TNIP2: variants seen among roughly 807,000 people sequenced by gnomAD.
TNIP2 encodes TNFAIP3-interacting protein 2.
TNIP2 carries 30 observed loss-of-function variants against 43.7 expected under a neutral mutation model. The observed-to-expected ratio is 0.69, with a 90% CI of 0.51 to 0.93. The LOEUF (loss-of-function observed/expected upper bound fraction) is 0.93. TNIP2 is among the 40% of genes least tolerant of loss of function. The pLI is 0.00. For missense variants in TNIP2, 599 were observed against 591.0 expected, an observed-to-expected ratio of 1.01 and a Z score of -0.14; for synonymous variants, 260 against 254.6, an observed-to-expected ratio of 1.02 and a Z score of -0.20.
intron 1 of TNIP2, among the ~76,000 whole-genome samples, chr4:2,748,443 C>T (rs367638154): frequency 8.5e-5 from 13 of 152,288 alleles, no homozygotes; most frequent in East Asian, 1.9e-4. Flanking sequence ...CAGAGGTTCA[C>T]ACCATTCTCC....
At chr4:2,745,065 G>A in intron 3 of TNIP2, 120 bp from the exon 4 acceptor site, 1 of 1,316,774 alleles carries the variant, frequency 7.6e-7, no homozygotes, top group Non-Finnish European at 1.0e-6. Flanking sequence ...CTCTTAAATG[G>A]AAGCTGCCCC....
chr4:2,754,659 G>A (rs370183135), intron 1 of TNIP2, among the ~76,000 whole-genome samples: 1 of 152,304 alleles, frequency 6.6e-6, no homozygotes, highest in Non-Finnish European at 1.5e-5. Context: ...CTCGTGATCC[G>A]CCGCCTTGGC....
chr4:2,755,143 A>T (rs1195014070), intron 1 of TNIP2, among the ~76,000 whole-genome samples: 1 of 151,952 alleles, frequency 6.6e-6, no homozygotes. Flanking sequence ...TCTAGAACAC[A>T]ATATGAGTAC....
intron 5 of TNIP2, among the ~76,000 whole-genome samples, chr4:2,743,458 C>G (rs1451522019): frequency 6.6e-6 from 1 of 152,226 alleles, no homozygotes; most frequent in Non-Finnish European, 1.5e-5. Flanking sequence ...CCAGAAAAAC[C>G]TGTCCAGCCC....
At chr4:2,752,388 T>C (rs1235159738) in intron 1 of TNIP2, among the ~76,000 whole-genome samples, 1 of 152,168 alleles carries the variant, frequency 6.6e-6, no homozygotes, top group East Asian at 1.9e-4. Context: ...ACAGATGAGG[T>C]AAGGTCTCAA....
intron 3 of TNIP2, 150 bp from the exon 4 acceptor site, chr4:2,745,095 A>AGGGAG: frequency 1.9e-6 from 2 of 1,041,102 alleles, no homozygotes; most frequent in Non-Finnish European, 2.7e-6. Context: ...TGTAGAGAGC[A>AGGGAG]GACACTAGGC....
Position 2,742,472 on chromosome 4 carries a change from C to G in TNIP2, c.1075G>C (p.Ala359Pro), listed in dbSNP as rs1380244196. The G allele has an allele frequency of 6.2e-7, 1 of 1,606,498 alleles. No homozygotes were observed. The highest frequency in any genetic ancestry group is 2.2e-5 in the East Asian group (1 of 44,474). ...AATGCGTCGGCGGCCAAATACTTGG[C>G]AGTTTTGCTCCCAGCGTGAATCCGG... ...AGRIHAGSKT[A>P]KYLAADALEL... The change falls in exon 6 of 6, where the codon GCC becomes CCC. Residue 359 changes from alanine to proline, a missense_variant. Transcript: ENST00000315423.
At chr4:2,754,047 C>T (rs760581186) in intron 1 of TNIP2, among the ~76,000 whole-genome samples, 3 of 152,224 alleles carry the variant, frequency 2.0e-5, no homozygotes, top group Non-Finnish European at 2.9e-5. Flanking sequence ...TGTGGGACTA[C>T]AGCGGCTATT....
intron 1 of TNIP2, among the ~76,000 whole-genome samples, chr4:2,748,794 A>ATT (rs59776048): frequency 8.0e-4 from 113 of 140,808 alleles, no homozygotes; most frequent in African/African-American, 2.8e-3. Flanking sequence ...GCGCCCAGCA[A>ATT]TTTTTTTTTT....
rs1223592938 is a variant in TNIP2 at position 2,744,105 on chromosome 4, T to C, written c.1026+282A>G. ...ACTTTGAGGCCCGAGATATGCTCTC[T>C]GACTGCATGACAGTGACGGACGGGC... is the stretch of plus-strand genomic sequence containing the variant. On this transcript the variant is annotated intron_variant, in intron 5 of 5. Transcript: ENST00000315423. The surrounding 1 kb of genome is among the most constrained non-coding windows in gnomAD (Gnocchi z 5.1). Among the ~76,000 whole-genome samples the C allele has an allele frequency of 6.6e-6, 1 of 152,218 alleles. No individual in the cohort carries two copies. The highest frequency in any genetic ancestry group is 1.5e-5 in the Non-Finnish European group (1 of 68,032).
intron 2 of TNIP2, among the ~76,000 whole-genome samples, chr4:2,747,049 C>A (rs544369057): frequency 6.6e-6 from 1 of 152,344 alleles, no homozygotes; most frequent in South Asian, 2.1e-4. Flanking sequence ...CCGCTGCCCC[C>A]GGCCCTTGCT....
At position 2,754,886 on chromosome 4, in the gene TNIP2, C is replaced by T. The variant is rs370838670; in HGVS notation, c.276+1128G>A. Reference sequence around the variant, plus strand: ...GAGCACGGGCACGTGCCACCATGCCCGGCTAATTTTTTGCACTTTTTGTAG... The same window carrying T: ...GAGCACGGGCACGTGCCACCATGCCTGGCTAATTTTTTGCACTTTTTGTAG... On this transcript the variant is annotated intron_variant, in intron 1 of 5. Transcript: ENST00000315423. Among the ~76,000 whole-genome samples the T allele has an allele frequency of 2.2e-4, 33 of 152,260 alleles. No homozygotes were observed. In the East Asian group the frequency reaches 4.6e-3, roughly 21 times the overall value.
chr4:2,742,037 C>T lies in TNIP2; in HGVS notation c.*220G>A. The stretch of plus-strand genomic sequence containing the variant: ...CCTCCCTCTGCCAGATGTTCCTGAC[C>T]CCATCTCCACCTCCAGCCTCCAGCC... On this transcript the variant is annotated 3_prime_UTR_variant, in exon 6 of 6. Transcript: ENST00000315423. 2.4e-6 allele frequency: 1 copy of T among 409,714 alleles called. No individual in the cohort carries two copies. The allele number at this position is 409,714 out of a possible 1,614,324, so 25.4% of individuals were successfully genotyped here.
intron 5 of TNIP2, 102 bp from the exon 6 acceptor site, chr4:2,742,622 G>T: frequency 1.5e-6 from 2 of 1,298,944 alleles, no homozygotes; most frequent in Middle Eastern, 3.9e-4. Context: ...TCCCTGAGCG[G>T]AACTTCAGCC....
chr4:2,749,316 G>A (rs1255209486), intron 1 of TNIP2, among the ~76,000 whole-genome samples: 1 of 152,158 alleles, frequency 6.6e-6, no homozygotes, highest in Non-Finnish European at 1.5e-5. Flanking sequence ...TTTTTTGATG[G>A]GATAGGTAGA....
At position 2,742,116 on chromosome 4, in the gene TNIP2, G is replaced by A; in HGVS notation, c.*141C>T. The A allele has an allele frequency of 1.2e-6, 1 of 837,380 alleles. No individual in the cohort carries two copies. Among genetic ancestry groups the A allele is most frequent in the East Asian group, 3.3e-5 (1 of 30,358 alleles). The allele number at this position is 837,380 out of a possible 1,614,324, so 51.9% of individuals were successfully genotyped here. On this transcript the variant is annotated 3_prime_UTR_variant, in exon 6 of 6. Transcript: ENST00000315423. Reference sequence around the variant, plus strand: ...GTTCCATAGCCAAAGGGACCAAAGTGAACGATCAGAGTGCCCCGCAACTAT... The same window carrying A: ...GTTCCATAGCCAAAGGGACCAAAGTAAACGATCAGAGTGCCCCGCAACTAT...
chr4:2,753,093 T>C (rs1560648841), intron 1 of TNIP2, among the ~76,000 whole-genome samples: 1 of 151,536 alleles, frequency 6.6e-6, no homozygotes, highest in African/African-American at 2.4e-5. Context: ...AAAATAAAAA[T>C]AAAAAAACAA....
chr4:2,744,051 A>C lies in TNIP2; in HGVS notation c.1026+336T>G, dbSNP rs1470945948. 6.6e-6 allele frequency among the ~76,000 whole-genome samples: 1 copy of C among 152,218 alleles called. No homozygotes were observed. Among genetic ancestry groups the C allele is most frequent in the Non-Finnish European group, 1.5e-5 (1 of 68,028 alleles). ...AAGGTAAGCGGGGTTCCCGTCTCAC[A>C]GACAGGTCAGGACACGTAGGGAGCT... On this transcript the variant is annotated intron_variant, in intron 5 of 5. Coordinates refer to ENST00000315423, the MANE Select transcript of TNIP2 (RefSeq NM_024309.4). The surrounding 1 kb of genome is among the most constrained non-coding windows in gnomAD (Gnocchi z 5.1).
chr4:2,756,202 G>C lies in TNIP2; in HGVS notation c.88C>G (p.Arg30Gly). ...LCTLYHEAGQRLRRLQDQLAA... is the reference protein window; with the variant it reads ...LCTLYHEAGQGLRRLQDQLAA... ...AGCTGGTCCTGCAGGCGGCGCAGCC[G>C]CTGTCCGGCCTCGTGGTACAGGGTG... Residue 30 changes from arginine (R) to glycine (G), a missense_variant, in exon 1 of 6, where the codon CGG (arginine) becomes GGG (glycine). Transcript: ENST00000315423. 2.7e-6 allele frequency: 4 copies of C among 1,474,630 alleles called. No individual in the cohort carries two copies. The highest frequency in any genetic ancestry group is 3.6e-6 in the Non-Finnish European group (4 of 1,120,974). The allele number at this position is 1,474,630 out of a possible 1,614,324, so 91.3% of individuals were successfully genotyped here.
Sources: allele counts gnomAD v4.1 joint callset (sites outside exome capture counted in the v4.1 genomes callset), GRCh38; gene constraint gnomAD v4.1.1; non-coding constraint Gnocchi (gnomAD v3.1); transcripts MANE v1.5; gene names NCBI Gene and HGNC (gene_info 2026-07-23, HGNC 2026-07-21).